The following ESR1 variants were observed in gnomAD, a reference collection of about 807,000 sequenced individuals.
The protein encoded by ESR1 is estrogen receptor.
ESR1 carries 12 observed loss-of-function variants against 52.7 expected under a neutral mutation model. The ratio of observed to expected loss-of-function variants is 0.23; its 90% confidence interval spans 0.15 to 0.37. The LOEUF (loss-of-function observed/expected upper bound fraction) is 0.37, where lower values mean the gene tolerates loss of function less well. ESR1 is among the 10% of genes least tolerant of loss of function. The pLI, the probability that ESR1 is intolerant of heterozygous loss-of-function variation, is 1.00. For synonymous variants in ESR1, 305 were observed against 316.8 expected, an observed-to-expected ratio of 0.96 and a Z score of 0.39; for missense variants, 584 against 779.7, an observed-to-expected ratio of 0.75 and a Z score of 2.99.
chr6:151,960,593 A>T (rs1227843389), intron 4 of ESR1, among the ~76,000 whole-genome samples: 1 of 152,206 alleles, frequency 6.6e-6, no homozygotes, highest in Non-Finnish European at 1.5e-5. Flanking sequence ...GTGAGGCAGG[A>T]GTGAGAGAAA....
intron 4 of ESR1, among the ~76,000 whole-genome samples, chr6:151,985,103 C>T (rs530887616): frequency 1.8e-4 from 28 of 152,196 alleles, no homozygotes; most frequent in African/African-American, 6.5e-4. Context: ...ACGTGTCACT[C>T]AGCATAACGT....
intron 6 of ESR1, among the ~76,000 whole-genome samples, chr6:152,075,318 A>G (rs1423497093): frequency 6.6e-6 from 1 of 152,216 alleles, no homozygotes; most frequent in African/African-American, 2.4e-5. Context: ...AGACCACTGA[A>G]CTAGATGATC....
At chr6:152,108,792 C>T (rs1307352526) in intron 6 of ESR1, among the ~76,000 whole-genome samples, 1 of 152,192 alleles carries the variant, frequency 6.6e-6, no homozygotes, top group African/African-American at 2.4e-5. Context: ...CCTTTGGGAA[C>T]ATTTAAACTC....
rs571218134 is a variant in ESR1, at chr6:152,051,942, G to A, written c.1236-9049G>A. On this transcript the variant is annotated intron_variant, in intron 5 of 7. Coordinates refer to ENST00000206249, the MANE Select transcript of ESR1 (RefSeq NM_000125.4). ...TTATCAACTAGCAGGGGCCGTGGTC[G>A]GGGCTTGTGTTAGTCCATTTTGTGC... Among the ~76,000 whole-genome samples the A allele has an allele frequency of 6.6e-5, 10 of 152,236 alleles. No homozygotes were observed. The South Asian group carries it at 1.0e-3, about 16-fold the overall frequency.
intron 4 of ESR1, among the ~76,000 whole-genome samples, chr6:151,991,213 T>G (rs983864049): frequency 6.6e-6 from 1 of 152,218 alleles, no homozygotes; most frequent in African/African-American, 2.4e-5. Flanking sequence ...AATACTGACC[T>G]GATTTGGGTA....
intron 4 of ESR1, among the ~76,000 whole-genome samples, chr6:151,948,408 A>G (rs2035954365): frequency 6.6e-6 from 1 of 152,188 alleles, no homozygotes; most frequent in Non-Finnish European, 1.5e-5. Flanking sequence ...CCTGTTAAAT[A>G]CTTATAACCC....
Position 152,100,233 on chromosome 6 carries a change from G to C in ESR1, c.*1267G>C, listed in dbSNP as rs2050916082. On this transcript the variant is annotated 3_prime_UTR_variant, in exon 8 of 8. Coordinates refer to ENST00000206249, the MANE Select transcript of ESR1 (RefSeq NM_000125.4). The stretch of plus-strand genomic sequence containing the variant: ...GTTGGAAGAAGCAGCTGTCACAGCT[G>C]CTGTAGACAGCTGTGTTCCTACAAT... 5.1e-6 allele frequency: 2 copies of C among 395,652 alleles called. No homozygotes were observed. 24.5% of individuals were successfully genotyped at this position (395,652 alleles called of 1,614,324 possible).
chr6:152,122,400 T>C (rs1051375789), intron 6 of ESR1: 1 of 1,613,888 alleles, frequency 6.2e-7, no homozygotes, highest in African/African-American at 1.3e-5. Context: ...ATCCTCCTTA[T>C]GCTACCAGCA....
At chr6:152,097,163 G>C (rs2050678208) in intron 7 of ESR1, among the ~76,000 whole-genome samples, 1 of 149,890 alleles carries the variant, frequency 6.7e-6, no homozygotes, top group Non-Finnish European at 1.5e-5. Context: ...CTCTCTCTCT[G>C]ACACACACAC....
intron 2 of ESR1, among the ~76,000 whole-genome samples, chr6:151,733,882 G>A (rs1218013440): frequency 6.6e-6 from 1 of 152,106 alleles, no homozygotes; most frequent in African/African-American, 2.4e-5. Context: ...TGATTTTCCT[G>A]GAGTCACAGA....
chr6:152,077,603 G>A (rs551459155), intron 6 of ESR1, among the ~76,000 whole-genome samples: 2 of 152,312 alleles, frequency 1.3e-5, no homozygotes, highest in East Asian at 3.9e-4. Context: ...AGGTGGTGGT[G>A]GCTATACCCT....
upstream of ESR1, among the ~76,000 whole-genome samples, chr6:151,689,606 C>T (rs1778821923): frequency 2.0e-5 from 3 of 151,852 alleles, no homozygotes; most frequent in South Asian, 6.2e-4. Flanking sequence ...TCTTTCTTTC[C>T]CATGCCAGTT....
intron 1 of ESR1, among the ~76,000 whole-genome samples, chr6:151,839,673 T>C (rs1268998194): frequency 6.6e-6 from 1 of 152,166 alleles, no homozygotes; most frequent in Non-Finnish European, 1.5e-5. Context: ...TCATGGACCT[T>C]CAGGACATTA....
rs1486672585 is a variant in ESR1 at position 151,975,270 on chromosome 6, G to A, written c.1096+30762G>A. Among the ~76,000 whole-genome samples, 6 of 152,284 alleles carry A rather than the reference G, an allele frequency of 3.9e-5. No individual in the cohort carries two copies. In the South Asian group the frequency reaches 1.0e-3, roughly 26 times the overall value. On this transcript the variant is annotated intron_variant, in intron 4 of 7. Coordinates refer to ENST00000206249, the MANE Select transcript of ESR1 (RefSeq NM_000125.4). ...GCTTCACACAAAGTAAAAGAATGGA[G>A]GCAACTTTGAATGCTGCTCATTTTC...
chr6:151,801,560 G>A (rs1238935581), upstream of ESR1, among the ~76,000 whole-genome samples: 1 of 152,204 alleles, frequency 6.6e-6, no homozygotes, highest in Non-Finnish European at 1.5e-5. Flanking sequence ...GAGAGTCAGG[G>A]TCTTTGGCGT....
At chr6:151,670,193 C>T (rs563688006) in intron 1 of ESR1, among the ~76,000 whole-genome samples, 1 of 152,192 alleles carries the variant, frequency 6.6e-6, no homozygotes, top group Non-Finnish European at 1.5e-5. Context: ...CTCTAGCTAG[C>T]CTATCTTCCT....
exon 7 of ESR1, chr6:152,129,292 G>C (rs575759498): frequency 6.6e-6 from 1 of 152,152 alleles, no homozygotes; most frequent in African/African-American, 2.4e-5. Context: ...CCCCCTTCTC[G>C]TCACTATCAT....
intron 4 of ESR1, among the ~76,000 whole-genome samples, chr6:151,996,140 C>T (rs1358549143): frequency 6.6e-6 from 1 of 152,152 alleles, no homozygotes; most frequent in Non-Finnish European, 1.5e-5. Flanking sequence ...CATTTTTTCC[C>T]TGATAGTCTG....
intron 1 of ESR1, among the ~76,000 whole-genome samples, chr6:151,822,491 C>G (rs1780728004): frequency 6.6e-6 from 1 of 152,184 alleles, no homozygotes; most frequent in South Asian, 2.1e-4. Context: ...TCCTTGGAGA[C>G]AGATGATGCT....
Sources: gnomAD v4.1 joint callset for allele counts (sites outside exome capture counted in the v4.1 genomes callset) on GRCh38, gnomAD v4.1.1 for gene constraint, MANE v1.5 for transcripts, NCBI Gene and HGNC (gene_info 2026-07-23, HGNC 2026-07-21) for gene names.